TF: variants seen among roughly 807,000 people sequenced by gnomAD.
TF encodes the protein serotransferrin.
In TF, 55 loss-of-function variants were observed where a neutral mutation model predicts 82.4. The observed-to-expected ratio is 0.67, with a 90% confidence interval of 0.54 to 0.84. The LOEUF is 0.84. Among genes scored for constraint, TF ranks in the 40% least tolerant of loss-of-function variants. The pLI, the probability that TF is intolerant of heterozygous loss-of-function variation, is 0.00. For synonymous variants in TF, 332 were observed against 332.6 expected (o/e 1.00, Z 0.02); for missense variants, 737 against 868.4 (o/e 0.85, Z 1.90).
chr3:133,704,135 G>GTTTA, the TF span: 4 of 169,302 alleles, frequency 2.4e-5, no homozygotes, highest in African/African-American at 9.4e-5. Context: ...TCACAAGGAT[G>GTTTA]TTTACATGAA....
the TF span, among the ~76,000 whole-genome samples, chr3:133,677,109 G>A: frequency 6.6e-6 from 1 of 152,360 alleles, no homozygotes; most frequent in South Asian, 2.1e-4. Flanking sequence ...CAGACAGCCT[G>A]TACCTCCACC....
the TF span, among the ~76,000 whole-genome samples, chr3:133,731,603 T>TGTA: frequency 6.6e-6 from 1 of 152,368 alleles, no homozygotes; most frequent in East Asian, 1.9e-4. Flanking sequence ...GTATTTGGTA[T>TGTA]GTAGTCTATG....
the TF span, among the ~76,000 whole-genome samples, chr3:133,738,996 G>T: frequency 6.6e-6 from 1 of 152,082 alleles, no homozygotes. Context: ...AAAAGAGCCC[G>T]CATAGCCAAG....
chr3:133,701,415 G>A, the TF span, among the ~76,000 whole-genome samples: 1 of 152,320 alleles, frequency 6.6e-6, no homozygotes. Flanking sequence ...CCATCTACTG[G>A]ATCTCTATGG....
At chr3:133,686,299 A>G in the TF span, among the ~76,000 whole-genome samples, 1 of 152,222 alleles carries the variant, frequency 6.6e-6, no homozygotes, top group Non-Finnish European at 1.5e-5. Flanking sequence ...CAAGGACTTC[A>G]TGTCTAAAAC....
rs1403431059 is a variant in TF, at chr3:133,795,185, A to G, written c.*16565A>G. On this transcript the variant is annotated 3_prime_UTR_variant, in exon 17 of 17. Coordinates refer to ENST00000402696, the MANE Select transcript of TF (RefSeq NM_001063.4). ...TAGCAAATTAATGAAGAGACTGCTTAGTTAAGTGAGTAGACTCTTTAGCTC... is the reference window on the plus strand; with the variant it reads ...TAGCAAATTAATGAAGAGACTGCTTGGTTAAGTGAGTAGACTCTTTAGCTC... The G allele has an allele frequency of 2.0e-5, 3 of 152,250 alleles. No homozygotes were observed. Among genetic ancestry groups the G allele is most frequent in the Admixed American group, 2.0e-4 (3 of 15,286 alleles). 9.4% of individuals were successfully genotyped at this position (152,250 alleles called of 1,614,324 possible). A position where few individuals can be genotyped will look rare whatever the true frequency, so the allele number is the denominator to read the frequency against.
At chr3:133,693,709 T>G in the TF span, among the ~76,000 whole-genome samples, 1 of 152,118 alleles carries the variant, frequency 6.6e-6, no homozygotes, top group African/African-American at 2.4e-5. Context: ...AGAAGGCATA[T>G]CCCATGAACT....
the TF span, among the ~76,000 whole-genome samples, chr3:133,705,085 G>A: frequency 2.0e-5 from 3 of 152,136 alleles, no homozygotes; most frequent in Non-Finnish European, 4.4e-5. Flanking sequence ...GACCAGCCTG[G>A]CCAACATGGC....
the TF span, among the ~76,000 whole-genome samples, chr3:133,724,090 A>G: frequency 6.6e-6 from 1 of 152,146 alleles, no homozygotes; most frequent in Non-Finnish European, 1.5e-5. Context: ...AGTCTTTGCT[A>G]TTGTAAATAG....
At chr3:133,671,483 G>GA in the TF span, among the ~76,000 whole-genome samples, 46 of 150,508 alleles carry the variant, frequency 3.1e-4, no homozygotes, top group Non-Finnish European at 5.0e-4. Flanking sequence ...TGCCTTAAAA[G>GA]AAAAAAAAAG....
At position 133,748,437 on chromosome 3, in the gene TF, A is replaced by G; in HGVS notation, c.69A>G (p.Lys23=). 2 of 1,614,032 alleles carry G rather than the reference A, an allele frequency of 1.2e-6. No homozygotes were observed. The highest frequency in any genetic ancestry group is 8.5e-7 in the Non-Finnish European group (1 of 1,180,000). ...VLGLCLAVPD[K]TVRWCAVSEH... ...GGCTGTGTCTGGCTGTCCCTGATAAAACTGTGAGATGGTGTGCAGTGTCGG... is the reference window on the plus strand; with the variant it reads ...GGCTGTGTCTGGCTGTCCCTGATAAGACTGTGAGATGGTGTGCAGTGTCGG... Residue 23 remains lysine (K), a synonymous_variant, in exon 2 of 17, where the codon AAA becomes AAG. Coordinates refer to ENST00000402696, the MANE Select transcript of TF (RefSeq NM_001063.4).
Position 133,783,414 on chromosome 3 carries a change from C to T in TF, c.*4794C>T, listed in dbSNP as rs750543558. The T allele has an allele frequency of 6.6e-6, 1 of 152,178 alleles. No homozygotes were observed. The highest frequency in any genetic ancestry group is 1.5e-5 in the Non-Finnish European group (1 of 68,036). 9.4% of individuals were successfully genotyped at this position (152,178 alleles called of 1,614,324 possible). On this transcript the variant is annotated 3_prime_UTR_variant, in exon 17 of 17. Transcript: ENST00000402696. ...TGAAAATTTTGGCGCAGAAGAAAAT[C>T]TCGTGGACCTCCAACTTACCGGTTA...
At chr3:133,699,677 G>T in the TF span, 2 of 464,000 alleles carry the variant, frequency 4.3e-6, no homozygotes. Context: ...CTTGGATTTG[G>T]AGGGAGGTTA....
the TF span, among the ~76,000 whole-genome samples, chr3:133,690,413 T>C: frequency 4.6e-5 from 7 of 152,238 alleles, no homozygotes; most frequent in Non-Finnish European, 7.3e-5. Context: ...ACAGTTTATA[T>C]TTAGTAATGT....
chr3:133,769,368 C>T (rs1273908583), intron 13 of TF, among the ~76,000 whole-genome samples: 4 of 152,124 alleles, frequency 2.6e-5, no homozygotes, highest in African/African-American at 9.7e-5. Flanking sequence ...TTCCCCTTTG[C>T]ATTTTTGTAC....
chr3:133,746,233 A>G, upstream of TF: 1 of 636,020 alleles, frequency 1.6e-6, no homozygotes, highest in Admixed American at 2.3e-5. Flanking sequence ...GGTCGTCTCC[A>G]GAGCTCAGAA....
chr3:133,777,298 G>A, intron 16 of TF, 60 bp downstream of exon 16: 1 of 1,557,078 alleles, frequency 6.4e-7, no homozygotes, highest in Non-Finnish European at 8.8e-7. Flanking sequence ...GTGCTGGGAT[G>A]GTGGGTGGGT....
Position 133,789,885 on chromosome 3 carries a change from T to G in TF, c.*11265T>G, listed in dbSNP as rs1322314284. ...ACAAAACGATCTCGTTTGCGTTTTTTTTTTTTTTTTTTTTTTTTTTTTTGA... is the reference window on the plus strand; with the variant it reads ...ACAAAACGATCTCGTTTGCGTTTTTGTTTTTTTTTTTTTTTTTTTTTTTGA... On this transcript the variant is annotated 3_prime_UTR_variant, in exon 17 of 17. Transcript: ENST00000402696. 2.4e-5 allele frequency: 1 copy of G among 42,098 alleles called. No homozygotes were observed. Among genetic ancestry groups the G allele is most frequent in the African/African-American group, 5.4e-5 (1 of 18,422 alleles). The allele number at this position is 42,098 out of a possible 1,614,324, so 2.6% of individuals were successfully genotyped here.
At chr3:133,725,452 C>T in the TF span, among the ~76,000 whole-genome samples, 1 of 152,034 alleles carries the variant, frequency 6.6e-6, no homozygotes, top group Non-Finnish European at 1.5e-5. Flanking sequence ...ATTTGGCTCT[C>T]TGTTTGTCTG....
Sources: allele counts gnomAD v4.1 joint callset (sites outside exome capture counted in the v4.1 genomes callset), GRCh38; gene constraint gnomAD v4.1.1; transcripts MANE v1.5; gene names NCBI Gene and HGNC (gene_info 2026-07-23, HGNC 2026-07-21).